Variants in CXCL13 observed in about 807,000 individuals in gnomAD.
CXCL13 encodes the protein C-X-C motif chemokine ligand 13.
CXCL13 carries 7 observed loss-of-function variants against 12.2 expected under a neutral mutation model. The ratio of observed to expected loss-of-function variants is 0.57; its 90% CI spans 0.33 to 1.07. The LOEUF is 1.07. Among genes scored for constraint, CXCL13 ranks in the 50% least tolerant of loss-of-function variants. The pLI is 0.04. For synonymous variants in CXCL13, 47 were observed against 42.4 expected, an observed-to-expected ratio of 1.11 and a Z score of -0.42; for missense variants, 113 against 127.4, an observed-to-expected ratio of 0.89 and a Z score of 0.55.
At chr4:77,609,255 T>C (rs1418711810) in intron 2 of CXCL13, among the ~76,000 whole-genome samples, 2 of 152,086 alleles carry the variant, frequency 1.3e-5, no homozygotes, top group East Asian at 1.9e-4. Context: ...TTTGTCTTTA[T>C]TGTTTTGGGG....
At chr4:77,569,228 C>T (rs1164079461) in intron 1 of CXCL13, among the ~76,000 whole-genome samples, 1 of 152,146 alleles carries the variant, frequency 6.6e-6, no homozygotes, top group East Asian at 1.9e-4. Context: ...CTTCTCTCAC[C>T]ACTTCTATTT....
chr4:77,518,311 C>T (rs1724480763), intron 1 of CXCL13, among the ~76,000 whole-genome samples: 2 of 152,098 alleles, frequency 1.3e-5, no homozygotes, highest in African/African-American at 4.8e-5. Flanking sequence ...TTGTGGCGTT[C>T]TCTGTATTTC....
chr4:77,549,057 A>C (rs972291568), intron 1 of CXCL13, among the ~76,000 whole-genome samples: 38 of 151,776 alleles, frequency 2.5e-4, no homozygotes, highest in African/African-American at 8.7e-4. Context: ...TTTTCTCTAA[A>C]CTTCTCTTCT....
At chr4:77,534,305 A>G (rs1474189704) in intron 1 of CXCL13, among the ~76,000 whole-genome samples, 1 of 152,220 alleles carries the variant, frequency 6.6e-6, no homozygotes, top group East Asian at 1.9e-4. Context: ...GATGTTTCTA[A>G]TAGCTTCATT....
At chr4:77,560,647 A>G (rs1345081687) in intron 1 of CXCL13, among the ~76,000 whole-genome samples, 1 of 152,078 alleles carries the variant, frequency 6.6e-6, no homozygotes, top group East Asian at 1.9e-4. Context: ...AAGCTTTCCC[A>G]CCAGTGAGAA....
chr4:77,547,454 T>C (rs1258708453), intron 1 of CXCL13, among the ~76,000 whole-genome samples: 1 of 152,242 alleles, frequency 6.6e-6, no homozygotes, highest in Non-Finnish European at 1.5e-5. Flanking sequence ...AGTTAGCTCT[T>C]CTTGTTGAAT....
chr4:77,528,477 G>T (rs568229248), intron 1 of CXCL13, among the ~76,000 whole-genome samples: 1 of 152,304 alleles, frequency 6.6e-6, no homozygotes, highest in Non-Finnish European at 1.5e-5. Flanking sequence ...ATTCTAAGTG[G>T]TGTGAGATGG....
intron 2 of CXCL13, among the ~76,000 whole-genome samples, chr4:77,608,856 G>T (rs935108460): frequency 6.6e-6 from 1 of 152,140 alleles, no homozygotes; most frequent in African/African-American, 2.4e-5. Context: ...TAGAAAACTG[G>T]GACCCCCTTC....
At position 77,546,071 on chromosome 4, in the gene CXCL13, A is replaced by G. The variant is rs144095197; in HGVS notation, c.-43+34283A>G. Among the ~76,000 whole-genome samples the G allele has an allele frequency of 4.4e-3, 668 of 152,264 alleles. 17 individuals carry two copies. The highest frequency in any genetic ancestry group is 0.026 in the East Asian group (135 of 5,180). On this transcript the variant is annotated intron_variant, in intron 1 of 4. Transcript: ENST00000286758. ...ACATTTATTGATTTGCATATGTTAA[A>G]CCAGCCTTGCATCCCAGGGATGAAG...
intron 1 of CXCL13, among the ~76,000 whole-genome samples, chr4:77,552,759 C>T (rs190108173): frequency 1.6e-3 from 251 of 152,342 alleles, no homozygotes; most frequent in African/African-American, 5.2e-3. Context: ...ATGGGGATGG[C>T]GATGGCCTAA....
chr4:77,524,827 G>C (rs1724720890), intron 1 of CXCL13, among the ~76,000 whole-genome samples: 1 of 152,150 alleles, frequency 6.6e-6, no homozygotes, highest in South Asian at 2.1e-4. Context: ...CTGCAGACTG[G>C]AGCTGTTCCT....
chr4:77,567,260 C>G (rs984811043), intron 1 of CXCL13, among the ~76,000 whole-genome samples: 1 of 152,204 alleles, frequency 6.6e-6, no homozygotes, highest in Non-Finnish European at 1.5e-5. Context: ...ATCCCACCAC[C>G]CTTTGCTGAC....
At position 77,575,296 on chromosome 4, in the gene CXCL13, T is replaced by G. The variant is rs1240344475; in HGVS notation, c.-42-30528T>G. On this transcript the variant is annotated intron_variant, in intron 1 of 4. Coordinates refer to the CXCL13 transcript ENST00000286758. ...CATCAAGTGTTTTAAACCTCCAACT[T>G]TTTTATTTTTTTATTATAATACTTT... Among the ~76,000 whole-genome samples the G allele has an allele frequency of 3.9e-5, 6 of 151,928 alleles. No homozygotes were observed. In the East Asian group the frequency reaches 1.2e-3, roughly 29 times the overall value.
chr4:77,532,853 G>C (rs893490514), intron 1 of CXCL13, among the ~76,000 whole-genome samples: 2 of 152,150 alleles, frequency 1.3e-5, no homozygotes, highest in African/African-American at 4.8e-5. Context: ...ACTGAGGCTT[G>C]TGTATTCATC....
intron 1 of CXCL13, among the ~76,000 whole-genome samples, chr4:77,574,465 T>C (rs1016284827): frequency 1.3e-5 from 2 of 152,094 alleles, no homozygotes; most frequent in South Asian, 2.1e-4. Context: ...CTTTGCATTA[T>C]GAGACAACTT....
intron 1 of CXCL13, among the ~76,000 whole-genome samples, chr4:77,559,290 G>A (rs1725743827): frequency 6.6e-6 from 1 of 152,206 alleles, no homozygotes; most frequent in Non-Finnish European, 1.5e-5. Flanking sequence ...AGACTGGGCA[G>A]AGGAAGAAAT....
At chr4:77,545,128 T>C (rs1725321908) in intron 1 of CXCL13, among the ~76,000 whole-genome samples, 3 of 152,066 alleles carry the variant, frequency 2.0e-5, no homozygotes, top group Admixed American at 2.0e-4. Flanking sequence ...GTAATAGTAC[T>C]ATGCTGTTTT....
At chr4:77,548,626 A>G (rs190424771) in intron 1 of CXCL13, among the ~76,000 whole-genome samples, 2 of 152,206 alleles carry the variant, frequency 1.3e-5, no homozygotes, top group Non-Finnish European at 2.9e-5. Context: ...CTGGTACTAG[A>G]AAATAATCTT....
At chr4:77,524,386 C>T (rs1480700132) in intron 1 of CXCL13, among the ~76,000 whole-genome samples, 2 of 152,224 alleles carry the variant, frequency 1.3e-5, no homozygotes, top group Non-Finnish European at 2.9e-5. Flanking sequence ...GTGGGCTCCA[C>T]CCAGGTCGAG....
Sources: gnomAD v4.1 joint callset for allele counts (sites outside exome capture counted in the v4.1 genomes callset) on GRCh38, gnomAD v4.1.1 for gene constraint, MANE v1.5 for transcripts, NCBI Gene and HGNC (gene_info 2026-07-23, HGNC 2026-07-21) for gene names.